The following VMP1 variants were observed in gnomAD, a reference collection of about 807,000 sequenced individuals.
The protein encoded by VMP1 is ectopic P-granules autophagy protein 3 homolog.
VMP1 carries 11 observed loss-of-function variants against 56.0 expected under a neutral mutation model. The ratio of observed to expected loss-of-function variants is 0.20; its 90% CI spans 0.12 to 0.32. VMP1 has a LOEUF of 0.32. VMP1 is among the 10% of genes least tolerant of loss of function. VMP1 has a pLI of 1.00. For synonymous variants in VMP1, 149 were observed against 165.0 expected, an observed-to-expected ratio of 0.90 and a Z score of 0.74; for missense variants, 296 against 490.3, an observed-to-expected ratio of 0.60 and a Z score of 3.74.
At chr17:59,737,883 C>T (rs180728865) in intron 4 of VMP1, among the ~76,000 whole-genome samples, 1 of 152,136 alleles carries the variant, frequency 6.6e-6, no homozygotes, top group East Asian at 1.9e-4. Context: ...AATTCTCCTG[C>T]TGTAGCCTCC....
chr17:59,718,869 A>G (rs1253673205), intron 1 of VMP1, among the ~76,000 whole-genome samples: 1 of 152,000 alleles, frequency 6.6e-6, no homozygotes, highest in Non-Finnish European at 1.5e-5. Flanking sequence ...AAAAAATTCA[A>G]GAATTTTTTT....
At chr17:59,709,057 G>A (rs915464719) in intron 1 of VMP1, among the ~76,000 whole-genome samples, 4 of 152,164 alleles carry the variant, frequency 2.6e-5, no homozygotes, top group Admixed American at 6.5e-5. Context: ...ATAGAACCAT[G>A]ATGCCTTTTA....
intron 5 of VMP1, among the ~76,000 whole-genome samples, chr17:59,757,884 T>TA (rs2035905466): frequency 2.1e-5 from 3 of 144,938 alleles, no homozygotes; most frequent in Non-Finnish European, 4.5e-5. Context: ...TTTTTTTTTT[T>TA]AAGACAGGGT....
At chr17:59,734,719 T>C (rs2034953272) in intron 2 of VMP1, among the ~76,000 whole-genome samples, 1 of 152,104 alleles carries the variant, frequency 6.6e-6, no homozygotes, top group Non-Finnish European at 1.5e-5. Flanking sequence ...GGCAACGGAA[T>C]GGAGACCCTG....
chr17:59,723,870 G>C (rs2034490079), intron 1 of VMP1, among the ~76,000 whole-genome samples: 1 of 152,130 alleles, frequency 6.6e-6, no homozygotes, highest in East Asian at 1.9e-4. Context: ...ATTTTAGTAG[G>C]CTTAATAGTA....
At chr17:59,775,520 C>T (rs2036590841) in intron 7 of VMP1, among the ~76,000 whole-genome samples, 1 of 152,040 alleles carries the variant, frequency 6.6e-6, no homozygotes, top group African/African-American at 2.4e-5. Context: ...CAGGGTCCCA[C>T]TATGTTGCCC....
At chr17:59,803,983 T>G (rs545501150) in intron 7 of VMP1, among the ~76,000 whole-genome samples, 246 of 151,960 alleles carry the variant, frequency 1.6e-3, no homozygotes, top group East Asian at 6.6e-3. Flanking sequence ...TTTGGTGGTG[T>G]TAGGTGTGTG....
At chr17:59,776,796 G>A (rs16943853) in intron 7 of VMP1, among the ~76,000 whole-genome samples, 241 of 152,270 alleles carry the variant, frequency 1.6e-3, no homozygotes, top group African/African-American at 5.6e-3. Context: ...AAATCAGCAA[G>A]TTGAAGTGGA....
At chr17:59,751,710 C>T (rs2035653077) in intron 5 of VMP1, among the ~76,000 whole-genome samples, 1 of 140,604 alleles carries the variant, frequency 7.1e-6, no homozygotes, top group South Asian at 2.3e-4. Flanking sequence ...CGCCATTGCA[C>T]TCCAGCCTGG....
intron 1 of VMP1, among the ~76,000 whole-genome samples, chr17:59,721,949 CT>C (rs1467636131): frequency 6.6e-6 from 1 of 152,200 alleles, no homozygotes; most frequent in African/African-American, 2.4e-5. Flanking sequence ...TGAGGACTCT[CT>C]TCCTGGCTTA....
chr17:59,767,960 A>G (rs2777886), intron 6 of VMP1, among the ~76,000 whole-genome samples: 39,094 of 150,844 alleles, frequency 0.26, 5,398 homozygotes, highest in East Asian at 0.44. Context: ...AATACAAAAA[A>G]TTAGCTGGGC....
chr17:59,768,359 T>C (rs542461564), intron 6 of VMP1, among the ~76,000 whole-genome samples: 20 of 152,064 alleles, frequency 1.3e-4, no homozygotes, highest in Admixed American at 1.2e-3. Flanking sequence ...TCCCAGCACT[T>C]TGGGAGGCCA....
intron 1 of VMP1, among the ~76,000 whole-genome samples, chr17:59,728,684 ATTATTTAT>A (rs143800386): frequency 2.6e-5 from 4 of 151,190 alleles, no homozygotes; most frequent in Non-Finnish European, 4.4e-5. Context: ...AATAAATGAG[ATTATTTAT>A]TTATTTATTT....
At chr17:59,826,136 A>C (rs2038639366) in intron 10 of VMP1, among the ~76,000 whole-genome samples, 1 of 152,252 alleles carries the variant, frequency 6.6e-6, no homozygotes, top group African/African-American at 2.4e-5. Context: ...ATACAGTCTA[A>C]CATAACCTCT....
chr17:59,730,436 A>G (rs1461885082), intron 1 of VMP1, among the ~76,000 whole-genome samples: 1 of 151,780 alleles, frequency 6.6e-6, no homozygotes, highest in African/African-American at 2.4e-5. Flanking sequence ...TGGCTAATTT[A>G]TTTATCTTAT....
At chr17:59,823,962 A>G (rs1480965697) in intron 10 of VMP1, among the ~76,000 whole-genome samples, 1 of 152,194 alleles carries the variant, frequency 6.6e-6, no homozygotes, top group African/African-American at 2.4e-5. Context: ...AAGGCAAGGA[A>G]GAATGAAAAA....
At chr17:59,789,834 C>CT (rs1598397495) in intron 7 of VMP1, among the ~76,000 whole-genome samples, 2 of 91,504 alleles carry the variant, frequency 2.2e-5, no homozygotes, top group Admixed American at 1.3e-4. Context: ...TCTTTCTTTC[C>CT]CTTTTTTTTT....
At chr17:59,717,266 G>T (rs886176423) in intron 1 of VMP1, among the ~76,000 whole-genome samples, 1 of 152,074 alleles carries the variant, frequency 6.6e-6, no homozygotes, top group Non-Finnish European at 1.5e-5. Context: ...CACCGCGCTC[G>T]GCCGGTCCGC....
In VMP1 at chr17:59,740,312, G is replaced by A. The variant is rs574198220; in HGVS notation, c.414+1365G>A. Among the ~76,000 whole-genome samples the A allele has an allele frequency of 2.6e-4, 40 of 152,194 alleles. 2 individuals are homozygous for A. The South Asian group carries it at 6.0e-3, about 23-fold the overall frequency. On this transcript the variant is annotated intron_variant, in intron 5 of 11. Transcript: ENST00000262291. ...TGCCTTGCTTGTTCTTGCTGTTCCTGTCCCTAGATAATAAATTGAAAACAC... is the reference window on the plus strand; with the variant it reads ...TGCCTTGCTTGTTCTTGCTGTTCCTATCCCTAGATAATAAATTGAAAACAC...
Sources: allele counts gnomAD v4.1 joint callset (sites outside exome capture counted in the v4.1 genomes callset), GRCh38; gene constraint gnomAD v4.1.1; transcripts MANE v1.5; gene names NCBI Gene and HGNC (gene_info 2026-07-23, HGNC 2026-07-21).